Variants in RSPO1 observed in about 807,000 individuals in gnomAD.
RSPO1 encodes R-spondin-1.
Under a neutral mutation model 26.0 loss-of-function variants are expected in RSPO1, and 18 were observed. That is an observed-to-expected ratio of 0.69 (90% CI 0.48 to 1.03). The LOEUF (loss-of-function observed/expected upper bound fraction) is 1.03, where lower values mean the gene tolerates loss of function less well. RSPO1 is among the 50% of genes least tolerant of loss of function. The pLI is 0.00. For synonymous variants in RSPO1, 133 were observed against 137.4 expected (o/e 0.97, Z 0.22); for missense variants, 309 against 352.3 (o/e 0.88, Z 0.98).
At chr1:37,617,688 A>AAAAAAG (rs1553120745) in intron 3 of RSPO1, among the ~76,000 whole-genome samples, 6 of 136,618 alleles carry the variant, frequency 4.4e-5, no homozygotes, top group Non-Finnish European at 6.4e-5. Flanking sequence ...AAAAAAAAAA[A>AAAAAAG]AGAGAGAACC....
At chr1:37,616,699 G>C in intron 3 of RSPO1, 24 bp from the exon 4 acceptor site, 1 of 1,610,800 alleles carries the variant, frequency 6.2e-7, no homozygotes, top group East Asian at 2.2e-5. Flanking sequence ...GCAGGCATGA[G>C]AAGGCGGCTG....
At chr1:37,617,149 AG>A (rs1644126582) in intron 3 of RSPO1, among the ~76,000 whole-genome samples, 2 of 152,228 alleles carry the variant, frequency 1.3e-5, no homozygotes, top group African/African-American at 4.8e-5. Flanking sequence ...TGCCTAGAAC[AG>A]GGGTCTCAAC....
At chr1:37,623,557 T>C (rs1436612717) in intron 3 of RSPO1, among the ~76,000 whole-genome samples, 4 of 151,870 alleles carry the variant, frequency 2.6e-5, no homozygotes, top group Non-Finnish European at 5.9e-5. Flanking sequence ...GTGCAAAGCC[T>C]CCGAGGCACT....
At chr1:37,632,546 A>C (rs1171819318) in intron 1 of RSPO1, among the ~76,000 whole-genome samples, 193 bp from the exon 2 acceptor site, 3 of 152,210 alleles carry the variant, frequency 2.0e-5, no homozygotes, top group African/African-American at 7.2e-5. Context: ...CTGGATGTGG[A>C]GGGGGTAAAC....
chr1:37,612,655 T>G lies in RSPO1; in HGVS notation c.*100A>C, dbSNP rs1644041779. The G allele has an allele frequency of 1.6e-6, 2 of 1,221,528 alleles. No individual in the cohort carries two copies. Among genetic ancestry groups the G allele is most frequent in the Non-Finnish European group, 2.4e-6 (2 of 837,484 alleles). 75.7% of individuals were successfully genotyped at this position (1,221,528 alleles called of 1,614,324 possible). A position where few individuals can be genotyped will look rare whatever the true frequency, so the allele number is the denominator to read the frequency against. On this transcript the variant is annotated 3_prime_UTR_variant, in exon 7 of 7. Coordinates refer to ENST00000356545, the MANE Select transcript of RSPO1 (RefSeq NM_001242908.2). Reference sequence around the variant, plus strand: ...GTATGCATGGATGGATTGGAGTGTGTGTGTATGCTTTGCCCCCGACGTTCC... The same window carrying G: ...GTATGCATGGATGGATTGGAGTGTGGGTGTATGCTTTGCCCCCGACGTTCC...
chr1:37,616,027 C>T (rs1644105928), intron 4 of RSPO1, among the ~76,000 whole-genome samples: 1 of 152,110 alleles, frequency 6.6e-6, no homozygotes, highest in East Asian at 1.9e-4. Flanking sequence ...GTCTCAGAAG[C>T]GTCTTTCTGG....
rs919511008 is a variant in RSPO1, at chr1:37,613,108, G to A, written c.626-187C>T. Among the ~76,000 whole-genome samples, 1 of 152,188 alleles carries A rather than the reference G, an allele frequency of 6.6e-6. No homozygotes were observed. The highest frequency in any genetic ancestry group is 1.5e-5 in the Non-Finnish European group (1 of 68,014). ...GACAGCAGCCACTTCAGAGGACCCC[G>A]AGGCTTGAGTACTGGGAGGCAGCCC... On this transcript the variant is annotated intron_variant, in intron 6 of 6. Coordinates refer to ENST00000356545, the MANE Select transcript of RSPO1 (RefSeq NM_001242908.2). This position sits in a 1 kb window ranked among gnomAD's most constrained non-coding sequence, Gnocchi z 4.5.
intron 4 of RSPO1, among the ~76,000 whole-genome samples, chr1:37,615,564 C>A (rs1570097775): frequency 6.6e-6 from 1 of 152,204 alleles, no homozygotes; most frequent in East Asian, 1.9e-4. Context: ...GAAAAGGGCA[C>A]CATCAATTGT....
intron 3 of RSPO1, among the ~76,000 whole-genome samples, chr1:37,621,187 G>A (rs1408132119): frequency 2.0e-5 from 3 of 152,192 alleles, no homozygotes. Context: ...GGAGCCTGGA[G>A]CGAGTGATGA....
At chr1:37,619,034 T>C (rs1207813191) in intron 3 of RSPO1, among the ~76,000 whole-genome samples, 4 of 152,104 alleles carry the variant, frequency 2.6e-5, no homozygotes, top group African/African-American at 4.8e-5. Context: ...CCAGCCTGGC[T>C]GACATGGCAA....
intron 3 of RSPO1, among the ~76,000 whole-genome samples, chr1:37,626,483 CG>C (rs1377784571): frequency 1.3e-5 from 2 of 152,194 alleles, no homozygotes; most frequent in Non-Finnish European, 2.9e-5. Context: ...TTCTCCTGTG[CG>C]GCATTCCCGA....
intron 3 of RSPO1, among the ~76,000 whole-genome samples, chr1:37,623,394 T>G (rs982379759): frequency 5.3e-5 from 8 of 152,130 alleles, no homozygotes; most frequent in Non-Finnish European, 1.0e-4. Context: ...TGCTTAGGGC[T>G]ACTAGGAGCT....
intron 3 of RSPO1, among the ~76,000 whole-genome samples, chr1:37,625,465 C>A (rs1284584103): frequency 6.6e-6 from 1 of 151,952 alleles, no homozygotes; most frequent in Non-Finnish European, 1.5e-5. Context: ...GGAATCTAGT[C>A]TTGGAGGAAA....
At position 37,617,661 on chromosome 1, in the gene RSPO1, CAAAAAAAAAAA is replaced by C. The variant is rs34856591; in HGVS notation, c.95-997_95-987del. On this transcript the variant is annotated intron_variant, in intron 3 of 6. Coordinates refer to ENST00000356545, the MANE Select transcript of RSPO1 (RefSeq NM_001242908.2). ...CGGATGACAGAGCAAGACTCCATCT[CAAAAAAAAAAA>C]AAAAAAAAAAAAAAAAAGAGAGAAC... Among the ~76,000 whole-genome samples, 61 of 36,372 alleles carry C rather than the reference CAAAAAAAAAAA, an allele frequency of 1.7e-3. No individual in the cohort carries two copies. The South Asian group carries it at 0.031, about 19-fold the overall frequency. The allele number at this position is 36,372 out of a possible 152,430, so 23.9% of individuals were successfully genotyped here.
intron 3 of RSPO1, among the ~76,000 whole-genome samples, chr1:37,618,105 G>C (rs1187818952): frequency 6.6e-6 from 1 of 152,172 alleles, no homozygotes; most frequent in African/African-American, 2.4e-5. Flanking sequence ...GAATGGGAGG[G>C]GACTGGTGAA....
intron 3 of RSPO1, among the ~76,000 whole-genome samples, chr1:37,626,051 C>G (rs117385212): frequency 6.6e-6 from 1 of 152,146 alleles, no homozygotes; most frequent in Non-Finnish European, 1.5e-5. Context: ...CTGTTTGCTT[C>G]CCGCCTCAAG....
intron 3 of RSPO1, among the ~76,000 whole-genome samples, chr1:37,622,501 AC>A (rs991926534): frequency 2.0e-5 from 3 of 151,856 alleles, no homozygotes; most frequent in African/African-American, 7.2e-5. Context: ...ACAGGGCAAG[AC>A]CCTGACTCAA....
intron 3 of RSPO1, among the ~76,000 whole-genome samples, chr1:37,620,393 A>G (rs1329574952): frequency 6.6e-6 from 1 of 152,106 alleles, no homozygotes; most frequent in Non-Finnish European, 1.5e-5. Flanking sequence ...TCACACTTGT[A>G]ATCCCAGAAC....
intron 3 of RSPO1, among the ~76,000 whole-genome samples, chr1:37,628,014 C>T (rs1321021383): frequency 6.6e-6 from 1 of 152,200 alleles, no homozygotes; most frequent in Non-Finnish European, 1.5e-5. Flanking sequence ...AGGACCAGGC[C>T]CTTTCTGATG....
Sources: allele counts gnomAD v4.1 joint callset (sites outside exome capture counted in the v4.1 genomes callset), GRCh38; gene constraint gnomAD v4.1.1; non-coding constraint Gnocchi (gnomAD v3.1); transcripts MANE v1.5; gene names NCBI Gene and HGNC (gene_info 2026-07-23, HGNC 2026-07-21).